NR3C2: variants seen among roughly 807,000 people sequenced by gnomAD.
NR3C2 encodes the protein mineralocorticoid receptor.
NR3C2 carries 15 observed loss-of-function variants against 86.4 expected under a neutral mutation model. That is an observed-to-expected ratio of 0.17 (90% confidence interval 0.12 to 0.27). NR3C2 has a LOEUF of 0.27. Among genes scored for constraint, NR3C2 ranks in the 10% least tolerant of loss-of-function variants. The pLI is 1.00. For synonymous variants in NR3C2, 458 were observed against 450.5 expected (o/e 1.02, Z -0.21); for missense variants, 960 against 1,195.6 (o/e 0.80, Z 2.91).
chr4:148,117,794 T>C (rs1299350675), intron 7 of NR3C2, among the ~76,000 whole-genome samples: 1 of 152,120 alleles, frequency 6.6e-6, no homozygotes, highest in Admixed American at 6.5e-5. Context: ...CTGAGCCCCT[T>C]GGCTAGTCTT....
chr4:148,316,203 GT>G (rs1402862416), intron 2 of NR3C2, among the ~76,000 whole-genome samples: 2 of 150,778 alleles, frequency 1.3e-5, no homozygotes, highest in African/African-American at 4.9e-5. Context: ...TATGCAATGT[GT>G]TAGTACACAC....
chr4:148,358,403 T>A (rs921236691), intron 2 of NR3C2, among the ~76,000 whole-genome samples: 20 of 141,256 alleles, frequency 1.4e-4, no homozygotes, highest in Non-Finnish European at 2.9e-4. Flanking sequence ...TTCTCACTCA[T>A]AGGTGGGAAT....
At chr4:148,349,140 C>T (rs1745145590) in intron 2 of NR3C2, among the ~76,000 whole-genome samples, 1 of 152,098 alleles carries the variant, frequency 6.6e-6, no homozygotes, top group Non-Finnish European at 1.5e-5. Context: ...ACATCACAGG[C>T]CTGAAGCAGA....
chr4:148,323,934 C>G (rs994960539), intron 2 of NR3C2, among the ~76,000 whole-genome samples: 1 of 152,152 alleles, frequency 6.6e-6, no homozygotes, highest in African/African-American at 2.4e-5. Context: ...GTCTTCAATC[C>G]CAAGCTTTTC....
intron 2 of NR3C2, among the ~76,000 whole-genome samples, chr4:148,432,221 C>T (rs914802251): frequency 2.0e-5 from 3 of 152,012 alleles, no homozygotes; most frequent in East Asian, 3.9e-4. Flanking sequence ...TTCATTGCTA[C>T]GTGTGGTGCT....
At chr4:148,440,622 C>T (rs980067801) in intron 1 of NR3C2, among the ~76,000 whole-genome samples, 8 of 152,130 alleles carry the variant, frequency 5.3e-5, no homozygotes, top group African/African-American at 1.9e-4. Context: ...TGGGCCTCGC[C>T]CCAAAACACA....
intron 4 of NR3C2, among the ~76,000 whole-genome samples, chr4:148,176,708 C>T (rs1176883485): frequency 1.3e-5 from 2 of 152,156 alleles, no homozygotes; most frequent in East Asian, 3.8e-4. Flanking sequence ...AAGAGCAAGG[C>T]CAGCGCCTAC....
intron 3 of NR3C2, among the ~76,000 whole-genome samples, chr4:148,254,036 C>T (rs1257599896): frequency 6.6e-6 from 1 of 152,064 alleles, no homozygotes; most frequent in Non-Finnish European, 1.5e-5. Context: ...TTCTTCTCTT[C>T]CAATATAGAG....
At chr4:148,394,640 T>A (rs1446418589) in intron 2 of NR3C2, among the ~76,000 whole-genome samples, 6 of 152,240 alleles carry the variant, frequency 3.9e-5, no homozygotes, top group Middle Eastern at 3.4e-3. Flanking sequence ...TGCAGTGAGC[T>A]GTGACTGCAT....
chr4:148,102,544 T>C (rs545822457), intron 8 of NR3C2, among the ~76,000 whole-genome samples: 34 of 152,180 alleles, frequency 2.2e-4, no homozygotes, highest in African/African-American at 7.2e-4. Flanking sequence ...ACTTGCTCTC[T>C]CCTCTCTCAA....
At chr4:148,210,843 G>A (rs1246674331) in intron 3 of NR3C2, among the ~76,000 whole-genome samples, 2 of 152,262 alleles carry the variant, frequency 1.3e-5, no homozygotes, top group East Asian at 3.9e-4. Flanking sequence ...TCACTAACTT[G>A]CTGGGTCATC....
At chr4:148,370,336 G>A (rs780231923) in intron 2 of NR3C2, among the ~76,000 whole-genome samples, 1 of 152,068 alleles carries the variant, frequency 6.6e-6, no homozygotes, top group Non-Finnish European at 1.5e-5. Flanking sequence ...AGTATTTGGA[G>A]CAACCTCACT....
chr4:148,299,963 G>T (rs534167308), intron 2 of NR3C2, among the ~76,000 whole-genome samples: 1 of 152,216 alleles, frequency 6.6e-6, no homozygotes, highest in African/African-American at 2.4e-5. Context: ...TTATCGAAAG[G>T]GATTGATGAG....
chr4:148,233,102 C>G (rs980947647), intron 3 of NR3C2, among the ~76,000 whole-genome samples: 17 of 152,322 alleles, frequency 1.1e-4, no homozygotes, highest in African/African-American at 3.8e-4. Flanking sequence ...TGTGAACATA[C>G]AAATTAAACC....
chr4:148,190,161 G>A (rs1279567666), intron 4 of NR3C2, among the ~76,000 whole-genome samples: 1 of 152,142 alleles, frequency 6.6e-6, no homozygotes. Context: ...ACTTTTTGAT[G>A]TAGGCATTCA....
At chr4:148,203,685 C>T (rs1254555095) in intron 3 of NR3C2, among the ~76,000 whole-genome samples, 5 of 136,810 alleles carry the variant, frequency 3.7e-5, no homozygotes, top group African/African-American at 1.3e-4. Flanking sequence ...TATAATGTCG[C>T]ATGGTGAGTT....
chr4:148,094,085 A>T (rs1232107684), intron 8 of NR3C2, among the ~76,000 whole-genome samples: 1 of 152,346 alleles, frequency 6.6e-6, no homozygotes, highest in East Asian at 1.9e-4. Flanking sequence ...AGATACAAGA[A>T]GAGATGCTTG....
At chr4:148,333,536 T>C (rs1744330956) in intron 2 of NR3C2, among the ~76,000 whole-genome samples, 1 of 151,566 alleles carries the variant, frequency 6.6e-6, no homozygotes, top group South Asian at 2.1e-4. Flanking sequence ...AAAGTCTCCT[T>C]AAAATCTCCC....
At chr4:148,219,746 A>G (rs545978090) in intron 3 of NR3C2, among the ~76,000 whole-genome samples, 25 of 152,316 alleles carry the variant, frequency 1.6e-4, no homozygotes, top group African/African-American at 6.0e-4. Context: ...ATATAAAACA[A>G]CGGCATTTTC....
Sources: gnomAD v4.1 joint callset for allele counts (sites outside exome capture counted in the v4.1 genomes callset) on GRCh38, gnomAD v4.1.1 for gene constraint, MANE v1.5 for transcripts, NCBI Gene and HGNC (gene_info 2026-07-23, HGNC 2026-07-21) for gene names.